The following NNMT variants were observed in gnomAD, a reference collection of about 807,000 sequenced individuals.
The protein encoded by NNMT is nicotinamide N-methyltransferase.
Under a neutral mutation model 11.7 loss-of-function variants are expected in NNMT, and 10 were observed. The ratio of observed to expected loss-of-function variants is 0.85; its 90% CI spans 0.53 to 1.45. NNMT has a LOEUF of 1.45. Among genes scored for constraint, NNMT ranks in the 40% most tolerant of loss-of-function variants. NNMT has a pLI of 0.00. For missense variants in NNMT, 381 were observed against 319.4 expected, an observed-to-expected ratio of 1.19 and a Z score of -1.47; for synonymous variants, 143 against 133.8, an observed-to-expected ratio of 1.07 and a Z score of -0.48.
intron 1 of NNMT, 47 bp downstream of exon 1, chr11:114,296,757 A>G (rs776050218): frequency 1.3e-6 from 2 of 1,588,678 alleles, no homozygotes; most frequent in Non-Finnish European, 1.7e-6. Flanking sequence ...AGTCATATAG[A>G]TGGAGTCTCA....
At chr11:114,265,770 A>G (rs1021753595) in intron 2 of NNMT, among the ~76,000 whole-genome samples, 2 of 152,096 alleles carry the variant, frequency 1.3e-5, no homozygotes, top group Admixed American at 6.6e-5. Context: ...CTTCCAATCG[A>G]TTTCTTACGC....
intron 2 of NNMT, among the ~76,000 whole-genome samples, chr11:114,280,709 A>G (rs112026911): frequency 5.3e-5 from 8 of 152,294 alleles, no homozygotes; most frequent in African/African-American, 1.9e-4. Context: ...GAACAAGGAC[A>G]GCAGGATGGC....
intron 2 of NNMT, among the ~76,000 whole-genome samples, chr11:114,279,725 A>G (rs1945245040): frequency 6.6e-6 from 1 of 152,222 alleles, no homozygotes; most frequent in Non-Finnish European, 1.5e-5. Context: ...GACTTCACCA[A>G]TAAGTATTCA....
In NNMT at chr11:114,273,684, A is replaced by G. The variant is rs145113591; in HGVS notation, c.-130+10750A>G. On this transcript the variant is annotated intron_variant, in intron 2 of 4. Transcript: ENST00000535401. ...GTGAAACCCCGTCTCTACTAAAAAT[A>G]CTAAAATTAGCCGGGTATGGTGGCA... Among the ~76,000 whole-genome samples, 1,491 of 152,218 alleles carry G rather than the reference A, an allele frequency of 9.8e-3. 21 individuals carry two copies. The highest frequency in any genetic ancestry group is 0.06 in the South Asian group (291 of 4,820).
At chr11:114,289,522 C>T (rs1488979825) in intron 2 of NNMT, among the ~76,000 whole-genome samples, 1 of 152,072 alleles carries the variant, frequency 6.6e-6, no homozygotes, top group African/African-American at 2.4e-5. Flanking sequence ...CCTGCCTTAG[C>T]TGCAACTCAT....
At chr11:114,272,553 T>A (rs748377078) in intron 2 of NNMT, among the ~76,000 whole-genome samples, 8 of 152,144 alleles carry the variant, frequency 5.3e-5, no homozygotes, top group African/African-American at 9.7e-5. Context: ...ACCCTCAAAG[T>A]CTCTGAGGTT....
In NNMT at chr11:114,312,817, G is replaced by A. The variant is rs548098091; in HGVS notation, c.*340G>A. The A allele has an allele frequency of 3.8e-5, 9 of 236,884 alleles. No homozygotes were observed. In the South Asian group the frequency reaches 9.7e-4, roughly 26 times the overall value. 14.7% of individuals were successfully genotyped at this position (236,884 alleles called of 1,614,324 possible). On this transcript the variant is annotated 3_prime_UTR_variant, in exon 3 of 3. Coordinates refer to ENST00000299964, the MANE Select transcript of NNMT (RefSeq NM_006169.3). ...AAGTGTCTGCAGTTACTCACTATTAGTTTCCTAAGGGGGCACTGCTGGCTC... is the reference window on the plus strand; with the variant it reads ...AAGTGTCTGCAGTTACTCACTATTAATTTCCTAAGGGGGCACTGCTGGCTC...
intron 2 of NNMT, among the ~76,000 whole-genome samples, chr11:114,268,763 C>T (rs1454839743): frequency 4.3e-5 from 5 of 117,434 alleles, no homozygotes; most frequent in South Asian, 5.9e-4. Context: ...AGCGAGACTC[C>T]GTCTCAAAAA....
At chr11:114,288,688 T>G (rs1362768655) in intron 2 of NNMT, among the ~76,000 whole-genome samples, 1 of 152,178 alleles carries the variant, frequency 6.6e-6, no homozygotes, top group Admixed American at 6.5e-5. Context: ...TTTTGTGCCT[T>G]GATTTTCTCA....
At chr11:114,291,482 T>G (rs1945334534), upstream of NNMT, among the ~76,000 whole-genome samples, 1 of 152,218 alleles carries the variant, frequency 6.6e-6, no homozygotes, top group Admixed American at 6.5e-5. Context: ...GGAAGGGACT[T>G]ACCATGTCCT....
At chr11:114,291,224 C>T (rs1026394772) in intron 2 of NNMT, among the ~76,000 whole-genome samples, 5 of 152,206 alleles carry the variant, frequency 3.3e-5, no homozygotes, top group Non-Finnish European at 7.3e-5. Context: ...TCCTTCATAG[C>T]TCCAACCCAC....
chr11:114,301,845 C>T (rs933790105), intron 2 of NNMT, among the ~76,000 whole-genome samples: 2 of 151,752 alleles, frequency 1.3e-5, no homozygotes, highest in African/African-American at 2.4e-5. Flanking sequence ...AAAACAAAAT[C>T]AATTTTTAAA....
rs1945378757 is a variant in NNMT, at chr11:114,296,501, G to A, written c.-56G>A. On this transcript the variant is annotated 5_prime_UTR_variant, in exon 1 of 3. Transcript: ENST00000299964. ...ACAACTTCTGCAGGGTCACTCCCTG[G>A]CTTCTGGAGGAAAGAGAAGGAGGGC... 5.0e-6 allele frequency: 8 copies of A among 1,586,614 alleles called. No homozygotes were observed. The highest frequency in any genetic ancestry group is 6.9e-6 in the Non-Finnish European group (8 of 1,165,600).
At chr11:114,292,387 T>G (rs1208317968), upstream of NNMT, among the ~76,000 whole-genome samples, 1 of 152,248 alleles carries the variant, frequency 6.6e-6, no homozygotes, top group Non-Finnish European at 1.5e-5. Flanking sequence ...TTGTATCGTA[T>G]TTTCTAGCAA....
At chr11:114,281,795 C>T (rs1945265122) in intron 2 of NNMT, among the ~76,000 whole-genome samples, 1 of 152,058 alleles carries the variant, frequency 6.6e-6, no homozygotes, top group Non-Finnish European at 1.5e-5. Flanking sequence ...AGGCTAGGGA[C>T]TACAGGATTA....
chr11:114,304,476 G>T (rs1945470781), intron 2 of NNMT, among the ~76,000 whole-genome samples: 1 of 152,112 alleles, frequency 6.6e-6, no homozygotes, highest in Admixed American at 6.5e-5. Flanking sequence ...TTATCCTTGT[G>T]CTAGATCCTG....
In NNMT at chr11:114,298,057, A is replaced by G. The variant is rs1565726584; in HGVS notation, c.261A>G (p.Ser87=). 6.2e-7 allele frequency: 1 copy of G among 1,614,126 alleles called. No individual in the cohort carries two copies. Among genetic ancestry groups the G allele is most frequent in the South Asian group, 1.1e-5 (1 of 91,080 alleles). Residue 87 remains serine (S), a synonymous_variant, in exon 2 of 3, where the codon TCA becomes TCG. Coordinates refer to ENST00000299964, the MANE Select transcript of NNMT (RefSeq NM_006169.3). ...AGGAGATCGTCGTCACTGACTACTC[A>G]GACCAGAACCTGCAGGAGCTGGAGA... ...SFKEIVVTDY[S]DQNLQELEKW...
At chr11:114,270,853 C>A (rs1056312679) in intron 2 of NNMT, among the ~76,000 whole-genome samples, 17 of 152,100 alleles carry the variant, frequency 1.1e-4, no homozygotes, top group Admixed American at 2.0e-4. Flanking sequence ...CAGCTCACTG[C>A]AACCTTTGCC....
chr11:114,301,644 A>AT (rs534178797), intron 2 of NNMT, among the ~76,000 whole-genome samples: 26 of 151,856 alleles, frequency 1.7e-4, no homozygotes, highest in East Asian at 3.9e-4. Context: ...AGTATAGAGG[A>AT]TTTTTTAGAG....
Sources: gnomAD v4.1 joint callset for allele counts (sites outside exome capture counted in the v4.1 genomes callset) on GRCh38, gnomAD v4.1.1 for gene constraint, MANE v1.5 for transcripts, NCBI Gene and HGNC (gene_info 2026-07-23, HGNC 2026-07-21) for gene names.